Variants in DAG1 observed in about 807,000 individuals in gnomAD.
The protein encoded by DAG1 is dystroglycan 1, also known as dystroglycan 1 (dystrophin-associated glycoprotein 1).
DAG1 carries 8 observed loss-of-function variants against 46.1 expected under a neutral mutation model. The ratio of observed to expected loss-of-function variants is 0.17; its 90% CI spans 0.10 to 0.31. The LOEUF (loss-of-function observed/expected upper bound fraction) is 0.31, where lower values mean the gene tolerates loss of function less well. Among genes scored for constraint, DAG1 ranks in the 10% least tolerant of loss-of-function variants. The pLI, the probability that DAG1 is intolerant of heterozygous loss-of-function variation, is 1.00. For synonymous variants in DAG1, 495 were observed against 481.8 expected (o/e 1.03, Z -0.36); for missense variants, 1,003 against 1,189.9 (o/e 0.84, Z 2.31).
chr3:49,510,080 T>G (rs2050720746), intron 1 of DAG1: 1 of 254,208 alleles, frequency 3.9e-6, no homozygotes, highest in African/African-American at 2.2e-5. Flanking sequence ...TATTGTTTAC[T>G]TAATATATTT....
intron 1 of DAG1, chr3:49,487,191 G>A (rs946413681): frequency 3.3e-5 from 5 of 152,256 alleles, no homozygotes; most frequent in African/African-American, 1.2e-4. Context: ...TGCCCGGCCT[G>A]ATGTTTTAAT....
chr3:49,485,018 GCT>G (rs1427462142), intron 1 of DAG1, among the ~76,000 whole-genome samples: 6 of 151,756 alleles, frequency 4.0e-5, no homozygotes, highest in African/African-American at 1.5e-4. Flanking sequence ...ACGGAGTCTC[GCT>G]CTGTCGCCCA....
At position 49,510,589 on chromosome 3, in the gene DAG1, C is replaced by T. The variant is rs2107647080; in HGVS notation, c.55C>T (p.Leu19Phe). The change falls in exon 2 of 3, where the codon CTC (leucine) becomes TTC (phenylalanine). Residue 19 changes from leucine (L) to phenylalanine (F), a missense_variant. By Grantham distance (22) the Leu-to-Phe change is conservative (BLOSUM62 0). Coordinates refer to ENST00000308775, the MANE Select transcript of DAG1 (RefSeq NM_004393.6). ...LLLPLSGRTFLLLLSVVMAQS... is the reference protein window; with the variant it reads ...LLLPLSGRTFFLLLSVVMAQS... Reference sequence around the variant, plus strand: ...GCTGCCCCTCTCGGGGAGGACCTTTCTCCTCCTGCTCTCTGTGGTTATGGC... The same window carrying T: ...GCTGCCCCTCTCGGGGAGGACCTTTTTCCTCCTGCTCTCTGTGGTTATGGC... 4 of 1,614,018 alleles carry T rather than the reference C, an allele frequency of 2.5e-6. No homozygotes were observed. Among genetic ancestry groups the T allele is most frequent in the Admixed American group, 3.3e-5 (2 of 59,996 alleles).
At chr3:49,517,169 A>G (rs1167789942) in intron 2 of DAG1, among the ~76,000 whole-genome samples, 1 of 151,350 alleles carries the variant, frequency 6.6e-6, no homozygotes, top group Admixed American at 6.6e-5. Flanking sequence ...AATTTTTTGT[A>G]TTTTTAGTAG....
In DAG1 at chr3:49,532,415, T is replaced by A; in HGVS notation, c.1904T>A (p.Phe635Tyr). 2 of 1,614,216 alleles carry A rather than the reference T, an allele frequency of 1.2e-6. No individual in the cohort carries two copies. The highest frequency in any genetic ancestry group is 1.7e-6 in the Non-Finnish European group (2 of 1,180,040). Reference protein sequence around the residue: ...KKIALVKKLAFAFGDRNCSTI... With the variant: ...KKIALVKKLAYAFGDRNCSTI... Reference sequence around the variant, plus strand: ...ATTGCCTTGGTAAAGAAACTGGCCTTCGCCTTTGGAGACCGAAACTGTAGC... The same window carrying A: ...ATTGCCTTGGTAAAGAAACTGGCCTACGCCTTTGGAGACCGAAACTGTAGC... Residue 635 changes from phenylalanine (F) to tyrosine (Y), a missense_variant, in exon 3 of 3, where the codon TTC (phenylalanine) becomes TAC (tyrosine). By Grantham distance (22) the Phe-to-Tyr change is conservative. This residue lies in a region of DAG1 where 755 missense variants were observed against 854.1 expected (regional missense o/e 0.88). Transcript: ENST00000308775. This position sits in a 1 kb window ranked among gnomAD's most constrained non-coding sequence, Gnocchi z 5.4.
chr3:49,482,840 T>G (rs1428410597), intron 1 of DAG1, among the ~76,000 whole-genome samples: 1 of 152,132 alleles, frequency 6.6e-6, no homozygotes, highest in Non-Finnish European at 1.5e-5. Flanking sequence ...GCCTTTTCAC[T>G]GTGCTGTGAA....
intron 1 of DAG1, among the ~76,000 whole-genome samples, chr3:49,481,762 GT>G (rs2049887293): frequency 6.6e-6 from 1 of 152,132 alleles, no homozygotes; most frequent in African/African-American, 2.4e-5. Flanking sequence ...TTGATTCCCT[GT>G]TTTGGCATTT....
intron 1 of DAG1, among the ~76,000 whole-genome samples, chr3:49,477,682 C>A (rs537916619): frequency 6.6e-6 from 1 of 152,272 alleles, no homozygotes; most frequent in East Asian, 1.9e-4. Flanking sequence ...TGGAAAGAGG[C>A]TGGGTGCGGT....
At position 49,500,173 on chromosome 3, in the gene DAG1, C is replaced by T. The variant is rs1044685837; in HGVS notation, c.-116-10246C>T. Among the ~76,000 whole-genome samples, 6 of 151,878 alleles carry T rather than the reference C, an allele frequency of 4.0e-5. No homozygotes were observed. In the East Asian group the frequency reaches 5.8e-4, roughly 15 times the overall value. On this transcript the variant is annotated intron_variant, in intron 1 of 2. Transcript: ENST00000308775. The stretch of plus-strand genomic sequence containing the variant: ...GATTATAGGTGTCCGCCACCATGCC[C>T]GACTAATTTTTGTATTTTTAGTAGA...
intron 1 of DAG1, among the ~76,000 whole-genome samples, chr3:49,498,732 G>A (rs1341393883): frequency 7.3e-6 from 1 of 137,216 alleles, no homozygotes; most frequent in Non-Finnish European, 1.6e-5. Flanking sequence ...TTTTTTTTTT[G>A]AGATAGGTTC....
At chr3:49,505,303 T>C (rs760329491) in intron 1 of DAG1, among the ~76,000 whole-genome samples, 5 of 152,020 alleles carry the variant, frequency 3.3e-5, no homozygotes, top group Admixed American at 6.6e-5. Flanking sequence ...TTAATTACTA[T>C]GTTGCCAAGG....
rs1187055460 is a variant in DAG1, at chr3:49,533,447, A to G, written c.*248A>G. 1.5e-6 allele frequency: 1 copy of G among 687,336 alleles called. No individual in the cohort carries two copies. The highest frequency in any genetic ancestry group is 1.5e-5 in the South Asian group (1 of 66,688). 42.6% of individuals were successfully genotyped at this position (687,336 alleles called of 1,614,324 possible). A position where few individuals can be genotyped will look rare whatever the true frequency, so the allele number is the denominator to read the frequency against. Reference sequence around the variant, plus strand: ...AACAGCTTTTGGTTTGTTCATAGAGAATTCTTCGCTTCATTTTTGATGGCT... The same window carrying G: ...AACAGCTTTTGGTTTGTTCATAGAGGATTCTTCGCTTCATTTTTGATGGCT... On this transcript the variant is annotated 3_prime_UTR_variant, in exon 3 of 3. Coordinates refer to ENST00000308775, the MANE Select transcript of DAG1 (RefSeq NM_004393.6).
At chr3:49,511,874 C>CT (rs756192791) in intron 2 of DAG1, among the ~76,000 whole-genome samples, 33 of 152,366 alleles carry the variant, frequency 2.2e-4, no homozygotes, top group Non-Finnish European at 3.4e-4. Flanking sequence ...CTCCTCGACT[C>CT]TGCCTGTGTA....
At position 49,474,243 on chromosome 3, in the gene DAG1, A is replaced by G. The variant is rs557485947; in HGVS notation, c.-117+3810A>G. Among the ~76,000 whole-genome samples the G allele has an allele frequency of 1.5e-3, 228 of 150,812 alleles. 3 individuals are homozygous for G. Among genetic ancestry groups the G allele is most frequent in the African/African-American group, 4.9e-3 (201 of 40,982 alleles). ...CTGATTTTTTTTATTTTTAGTCGAG[A>G]TGGGGTTTCACCATGTTAGCCAGGG... On this transcript the variant is annotated intron_variant, in intron 1 of 2. Transcript: ENST00000308775.
chr3:49,511,615 G>A (rs1352036095), intron 2 of DAG1, among the ~76,000 whole-genome samples: 1 of 152,222 alleles, frequency 6.6e-6, no homozygotes, highest in Non-Finnish European at 1.5e-5. Context: ...CCAGGCTCAA[G>A]TGATCCTCCC....
At chr3:49,482,261 T>G (rs1439180522) in intron 1 of DAG1, among the ~76,000 whole-genome samples, 1 of 152,172 alleles carries the variant, frequency 6.6e-6, no homozygotes, top group Non-Finnish European at 1.5e-5. Context: ...TCTCCCCATG[T>G]GATAGTCTGA....
intron 1 of DAG1, among the ~76,000 whole-genome samples, chr3:49,491,184 A>G (rs1575358324): frequency 6.7e-6 from 1 of 150,122 alleles, no homozygotes; most frequent in African/African-American, 2.5e-5. Context: ...ATTTTTTTCT[A>G]TTTTTAATAG....
chr3:49,482,212 G>C lies in DAG1; in HGVS notation c.-117+11779G>C, dbSNP rs547003250. On this transcript the variant is annotated intron_variant, in intron 1 of 2. Coordinates refer to ENST00000308775, the MANE Select transcript of DAG1 (RefSeq NM_004393.6). ...ACACAGTGCATTGCGGAAAACCACA[G>C]GGACCTCTGCTCTTGAAAGCGGGGT... is the stretch of plus-strand genomic sequence containing the variant. Among the ~76,000 whole-genome samples the C allele has an allele frequency of 1.4e-4, 21 of 152,246 alleles. No individual in the cohort carries two copies. The South Asian group carries it at 2.3e-3, about 17-fold the overall frequency.
chr3:49,521,888 C>T (rs376913528), intron 2 of DAG1, among the ~76,000 whole-genome samples: 2 of 151,396 alleles, frequency 1.3e-5, no homozygotes, highest in East Asian at 2.0e-4. Flanking sequence ...CTCGCTCTGT[C>T]GCCCAGGCTG....
Sources: gnomAD v4.1 joint callset for allele counts (sites outside exome capture counted in the v4.1 genomes callset) on GRCh38, gnomAD v4.1.1 for gene constraint, gnomAD v4.1.1 regional missense constraint, Gnocchi (gnomAD v3.1) non-coding constraint, MANE v1.5 for transcripts, NCBI Gene and HGNC (gene_info 2026-07-23, HGNC 2026-07-21) for gene names.